Variants in PDE2A observed in about 807,000 individuals in gnomAD.
PDE2A encodes the protein phosphodiesterase 2A.
Under a neutral mutation model 133.6 loss-of-function variants are expected in PDE2A, and 53 were observed. The ratio of observed to expected loss-of-function variants is 0.40; its 90% CI spans 0.32 to 0.50. The LOEUF is 0.50. Among genes scored for constraint, PDE2A ranks in the 20% least tolerant of loss-of-function variants. PDE2A has a pLI of 0.73. For synonymous variants in PDE2A, 491 were observed against 490.2 expected (o/e 1.00, Z -0.02); for missense variants, 796 against 1,232.4 (o/e 0.65, Z 5.30).
intron 2 of PDE2A, among the ~76,000 whole-genome samples, 194 bp from the exon 3 acceptor site, chr11:72,608,945 C>T (rs56125066): frequency 0.038 from 5,760 of 152,282 alleles, 160 homozygotes; most frequent in African/African-American, 0.07. Context: ...CCTCATCTTA[C>T]AGGTGGGGAA....
Position 72,590,704 on chromosome 11 carries a change from C to A in PDE2A, c.550-124G>T. On this transcript the variant is annotated intron_variant, in intron 7 of 30. Coordinates refer to ENST00000334456, the MANE Select transcript of PDE2A (RefSeq NM_002599.5). This position sits in a 1 kb window ranked among gnomAD's most constrained non-coding sequence, Gnocchi z 4.8. ...CCGGGCCCAGGGACCCCGCCGCCGT[C>A]CCAAACACCTCATCCCTGGACTCTA... The A allele has an allele frequency of 2.2e-6, 2 of 889,370 alleles. No homozygotes were observed. The highest frequency in any genetic ancestry group is 3.1e-6 in the Non-Finnish European group (2 of 640,176). 55.1% of individuals were successfully genotyped at this position (889,370 alleles called of 1,614,324 possible).
intron 6 of PDE2A, among the ~76,000 whole-genome samples, chr11:72,592,863 G>C (rs1012587359): frequency 6.6e-6 from 1 of 152,054 alleles, no homozygotes; most frequent in Non-Finnish European, 1.5e-5. Flanking sequence ...GGCTCAATCT[G>C]TGACTCCTAC....
chr11:72,622,350 T>C (rs1031618216), intron 2 of PDE2A, among the ~76,000 whole-genome samples: 1 of 152,200 alleles, frequency 6.6e-6, no homozygotes, highest in African/African-American at 2.4e-5. Context: ...AGCGTACTTC[T>C]AGGTATACAT....
chr11:72,599,205 C>T (rs1376256453), intron 4 of PDE2A, among the ~76,000 whole-genome samples: 2 of 152,246 alleles, frequency 1.3e-5, no homozygotes, highest in Non-Finnish European at 2.9e-5. Context: ...GCTGCTTGGC[C>T]TCTCTTTCCC....
At chr11:72,648,631 A>C (rs1168198315) in intron 1 of PDE2A, among the ~76,000 whole-genome samples, 1 of 152,132 alleles carries the variant, frequency 6.6e-6, no homozygotes, top group Non-Finnish European at 1.5e-5. Flanking sequence ...AAGGGAACCC[A>C]TAGGATTCTA....
chr11:72,642,182 G>A (rs993855123), intron 2 of PDE2A, 72 bp downstream of exon 2: 29 of 1,370,244 alleles, frequency 2.1e-5, no homozygotes, highest in Admixed American at 7.4e-5. Flanking sequence ...AAGGGTTCGG[G>A]GGCGGGCAGA....
intron 6 of PDE2A, among the ~76,000 whole-genome samples, chr11:72,594,208 G>T (rs1482760886): frequency 6.6e-6 from 1 of 152,244 alleles, no homozygotes; most frequent in Non-Finnish European, 1.5e-5. Flanking sequence ...TGGGTAGGTG[G>T]ATCAGTGGAT....
Position 72,590,374 on chromosome 11 carries a change from C to A in PDE2A, c.703+53G>T. 6.4e-7 allele frequency: 1 copy of A among 1,560,896 alleles called. No homozygotes were observed. Among genetic ancestry groups the A allele is most frequent in the East Asian group, 2.4e-5 (1 of 42,292 alleles). On this transcript the variant is annotated intron_variant, in intron 8 of 30. Transcript: ENST00000334456. The surrounding 1 kb of genome is among the most constrained non-coding windows in gnomAD (Gnocchi z 4.8). ...GGATCGCCTAACCCGCCCACCTCCCCTCCAAGTTCTGCCCGGCCCCGCCCT... is the reference window on the plus strand; with the variant it reads ...GGATCGCCTAACCCGCCCACCTCCCATCCAAGTTCTGCCCGGCCCCGCCCT...
intron 1 of PDE2A, among the ~76,000 whole-genome samples, chr11:72,666,829 G>C (rs1055995853): frequency 6.6e-6 from 1 of 152,208 alleles, no homozygotes; most frequent in Non-Finnish European, 1.5e-5. Context: ...GTCACAGCCG[G>C]GTGCAGTGGC....
At chr11:72,621,308 A>G (rs1307758816) in intron 2 of PDE2A, among the ~76,000 whole-genome samples, 1 of 151,928 alleles carries the variant, frequency 6.6e-6, no homozygotes, top group African/African-American at 2.4e-5. Flanking sequence ...CTCCTCATCT[A>G]CCCTACAATG....
In PDE2A at chr11:72,642,334, A is replaced by T; in HGVS notation, c.72-8T>A. On this transcript the variant is annotated splice_polypyrimidine_tract_variant and splice_region_variant and intron_variant, in intron 1 of 30. Transcript: ENST00000334456. The stretch of plus-strand genomic sequence containing the variant: ...AAGACCTGCTGGCCCCGCCTGAGGA[A>T]TTGGACAACAGCGATGAGGATGTGG... The T allele has an allele frequency of 6.5e-7, 1 of 1,537,772 alleles. No individual in the cohort carries two copies. Among genetic ancestry groups the T allele is most frequent in the Non-Finnish European group, 8.7e-7 (1 of 1,144,836 alleles).
chr11:72,614,326 C>G (rs1486224875), intron 2 of PDE2A, among the ~76,000 whole-genome samples: 1 of 152,178 alleles, frequency 6.6e-6, no homozygotes, highest in Non-Finnish European at 1.5e-5. Context: ...AGGAAAGAGG[C>G]TTGGCAACCC....
chr11:72,614,276 C>T (rs1401128211), intron 2 of PDE2A, among the ~76,000 whole-genome samples: 2 of 152,242 alleles, frequency 1.3e-5, no homozygotes, highest in African/African-American at 2.4e-5. Context: ...CCCCAGACTT[C>T]TCTCAATGAG....
chr11:72,649,979 G>A (rs556716368), intron 1 of PDE2A, among the ~76,000 whole-genome samples: 70 of 150,916 alleles, frequency 4.6e-4, no homozygotes, highest in African/African-American at 9.7e-4. Flanking sequence ...CCCAACCGCC[G>A]TCCTCAGGAA....
intron 2 of PDE2A, among the ~76,000 whole-genome samples, chr11:72,640,352 C>T (rs1276093113): frequency 6.6e-6 from 1 of 152,020 alleles, no homozygotes; most frequent in East Asian, 1.9e-4. Flanking sequence ...ATAGACAGCG[C>T]TGCTGGCCCA....
intron 3 of PDE2A, among the ~76,000 whole-genome samples, chr11:72,605,779 C>T (rs771153690): frequency 4.1e-4 from 63 of 152,334 alleles, no homozygotes; most frequent in Middle Eastern, 3.4e-3. Context: ...GAGGAAGTGA[C>T]CTTTCAGCTG....
intron 20 of PDE2A, 98 bp from the exon 21 acceptor site, chr11:72,582,664 A>C: frequency 1.6e-6 from 2 of 1,243,408 alleles, no homozygotes; most frequent in Non-Finnish European, 1.1e-6. Flanking sequence ...CGTCACCCAG[A>C]ATGTACCACA....
chr11:72,631,098 T>G (rs922079908), intron 2 of PDE2A: 1 of 1,488,106 alleles, frequency 6.7e-7, no homozygotes, highest in South Asian at 1.2e-5. Flanking sequence ...TCGTCTCTAC[T>G]CCCTGGGGGT....
intron 13 of PDE2A, among the ~76,000 whole-genome samples, chr11:72,587,008 A>G (rs1348201953): frequency 6.6e-6 from 1 of 151,836 alleles, no homozygotes; most frequent in Non-Finnish European, 1.5e-5. Flanking sequence ...TCACCCCTCA[A>G]CCCAGAACAT....
Sources: gnomAD v4.1 joint callset for allele counts (sites outside exome capture counted in the v4.1 genomes callset) on GRCh38, gnomAD v4.1.1 for gene constraint, Gnocchi (gnomAD v3.1) non-coding constraint, MANE v1.5 for transcripts, NCBI Gene and HGNC (gene_info 2026-07-23, HGNC 2026-07-21) for gene names.